FARS2: variants seen among roughly 807,000 people sequenced by gnomAD.
FARS2 encodes phenylalanyl-tRNA synthetase 2, mitochondrial.
A neutral mutation model predicts 46.4 loss-of-function variants in FARS2; 40 were observed. The observed-to-expected ratio is 0.86, with a 90% confidence interval of 0.67 to 1.12. The LOEUF (loss-of-function observed/expected upper bound fraction) is 1.12. FARS2 is among the 50% of genes most tolerant of loss of function. The pLI is 0.00. For missense variants in FARS2, 513 were observed against 567.9 expected, an observed-to-expected ratio of 0.90 and a Z score of 0.98; for synonymous variants, 234 against 214.9, an observed-to-expected ratio of 1.09 and a Z score of -0.78.
intron 6 of FARS2, among the ~76,000 whole-genome samples, chr6:5,709,977 G>C (rs570868735): frequency 6.6e-6 from 1 of 152,154 alleles, no homozygotes; most frequent in Non-Finnish European, 1.5e-5. Flanking sequence ...GAGGCTACTT[G>C]TGCTGCCACG....
chr6:5,250,141 T>C, the FARS2 span, among the ~76,000 whole-genome samples: 1 of 152,164 alleles, frequency 6.6e-6, no homozygotes, highest in African/African-American at 2.4e-5. Context: ...TCTCTATCTT[T>C]ATTTTCTCAT....
At chr6:5,514,089 C>CATATATATATATATATATATATAT (rs57189455) in intron 4 of FARS2, among the ~76,000 whole-genome samples, 20 of 147,122 alleles carry the variant, frequency 1.4e-4, no homozygotes, top group African/African-American at 5.0e-4. Context: ...AAAATCTGGA[C>CATATATATATATATATATATATAT]ATATATATAT....
At chr6:5,771,260 G>T (rs373806299) in intron 6 of FARS2, 31 bp from the exon 7 acceptor site, 2 of 1,613,314 alleles carry the variant, frequency 1.2e-6, no homozygotes, top group Non-Finnish European at 8.5e-7. Context: ...TGTTCATCCC[G>T]CACTCACCTG....
intron 6 of FARS2, among the ~76,000 whole-genome samples, chr6:5,654,026 A>G (rs1777494674): frequency 6.6e-6 from 1 of 152,060 alleles, no homozygotes; most frequent in Non-Finnish European, 1.5e-5. Flanking sequence ...TATCAGTGGC[A>G]CCCTGGGTTC....
intron 4 of FARS2, among the ~76,000 whole-genome samples, chr6:5,475,723 A>G (rs1466682065): frequency 6.6e-6 from 1 of 152,020 alleles, no homozygotes; most frequent in Admixed American, 6.6e-5. Context: ...TGTAGCTGAA[A>G]TACTCCTACC....
chr6:5,680,673 G>C (rs1778987388), intron 6 of FARS2, among the ~76,000 whole-genome samples: 1 of 151,322 alleles, frequency 6.6e-6, no homozygotes, highest in South Asian at 2.1e-4. Context: ...CAACATTTTG[G>C]TATATTTCCT....
chr6:5,610,317 A>C (rs1304006541), intron 5 of FARS2: 1 of 415,494 alleles, frequency 2.4e-6, no homozygotes, highest in Non-Finnish European at 4.2e-6. Context: ...TTTTTAAAAA[A>C]AAAAAAAAAG....
At chr6:5,557,698 G>C (rs753173606) in intron 5 of FARS2, among the ~76,000 whole-genome samples, 2 of 152,108 alleles carry the variant, frequency 1.3e-5, no homozygotes, top group Non-Finnish European at 2.9e-5. Flanking sequence ...TGGAAAAACT[G>C]TTGCAGCCTA....
intron 3 of FARS2, among the ~76,000 whole-genome samples, chr6:5,425,831 A>G (rs1214348521): frequency 2.0e-5 from 3 of 152,244 alleles, no homozygotes; most frequent in African/African-American, 4.8e-5. Flanking sequence ...GTCAGTGTCC[A>G]GATCTCCAAA....
chr6:5,556,625 A>G (rs1771676382), intron 5 of FARS2, among the ~76,000 whole-genome samples: 1 of 151,824 alleles, frequency 6.6e-6, no homozygotes, highest in African/African-American at 2.4e-5. Context: ...GGTATGTTTT[A>G]CATATTTGGA....
chr6:5,626,599 T>G (rs11962171), intron 6 of FARS2, among the ~76,000 whole-genome samples: 14,074 of 152,118 alleles, frequency 0.093, 1,833 homozygotes, highest in African/African-American at 0.29. Flanking sequence ...CACATCCTCC[T>G]TAGGCTTTCC....
At chr6:5,540,221 G>C (rs1770535971) in intron 4 of FARS2, among the ~76,000 whole-genome samples, 1 of 152,050 alleles carries the variant, frequency 6.6e-6, no homozygotes, top group Non-Finnish European at 1.5e-5. Context: ...ATTCGATTTT[G>C]GACTCATACC....
At chr6:5,655,601 A>G (rs1310793091) in intron 6 of FARS2, among the ~76,000 whole-genome samples, 1 of 151,930 alleles carries the variant, frequency 6.6e-6, no homozygotes, top group African/African-American at 2.4e-5. Context: ...CCCCTTCCTC[A>G]CATCTCCTCC....
chr6:5,624,649 G>T (rs1775940831), intron 6 of FARS2, among the ~76,000 whole-genome samples: 1 of 152,164 alleles, frequency 6.6e-6, no homozygotes, highest in African/African-American at 2.4e-5. Context: ...TTTGTAGTGT[G>T]GCGATGGAAT....
At chr6:5,535,624 G>T (rs1044534364) in intron 4 of FARS2, among the ~76,000 whole-genome samples, 1 of 152,156 alleles carries the variant, frequency 6.6e-6, no homozygotes, top group African/African-American at 2.4e-5. Flanking sequence ...TGAGTGAAAA[G>T]TTTTCAACTT....
At chr6:5,477,949 G>T (rs1766219821) in intron 4 of FARS2, among the ~76,000 whole-genome samples, 1 of 152,202 alleles carries the variant, frequency 6.6e-6, no homozygotes, top group Non-Finnish European at 1.5e-5. Flanking sequence ...GAGCCCAGGA[G>T]GTCGAGGCTG....
intron 6 of FARS2, among the ~76,000 whole-genome samples, chr6:5,708,325 A>G (rs769785107): frequency 1.4e-4 from 21 of 151,998 alleles, no homozygotes; most frequent in Non-Finnish European, 2.2e-4. Context: ...TTTTAGCATC[A>G]TTTCACTCTC....
intron 6 of FARS2, among the ~76,000 whole-genome samples, chr6:5,667,624 C>A (rs996133233): frequency 6.6e-5 from 10 of 152,070 alleles, no homozygotes; most frequent in Middle Eastern, 3.4e-3. Flanking sequence ...TTAAAGATAA[C>A]CCCTTAAGAA....
intron 6 of FARS2, among the ~76,000 whole-genome samples, chr6:5,641,387 C>G (rs1776810786): frequency 6.6e-6 from 1 of 152,152 alleles, no homozygotes; most frequent in Non-Finnish European, 1.5e-5. Flanking sequence ...ACCTCCACCC[C>G]CTGGGTTCAA....
Sources: gnomAD v4.1 joint callset for allele counts (sites outside exome capture counted in the v4.1 genomes callset) on GRCh38, gnomAD v4.1.1 for gene constraint, MANE v1.5 for transcripts, NCBI Gene and HGNC (gene_info 2026-07-23, HGNC 2026-07-21) for gene names.